IQCM: variants seen among roughly 807,000 people sequenced by gnomAD.
IQCM encodes the protein IQ motif containing M, also known as IQ domain-containing protein M.
IQCM carries 45 observed loss-of-function variants against 57.6 expected under a neutral mutation model. That is an observed-to-expected ratio of 0.78 (90% CI 0.62 to 1.00). IQCM has a LOEUF of 1.00. Among genes scored for constraint, IQCM ranks in the 50% least tolerant of loss-of-function variants. IQCM has a pLI of 0.00. For missense variants in IQCM, 468 were observed against 511.6 expected (o/e 0.91, Z 0.82); for synonymous variants, 148 against 158.9 (o/e 0.93, Z 0.51).
intron 5 of IQCM, among the ~76,000 whole-genome samples, chr4:149,695,889 A>C (rs1763299909): frequency 1.3e-5 from 2 of 152,152 alleles, no homozygotes; most frequent in Admixed American, 6.6e-5. Context: ...TACTGAGGGA[A>C]GCGGGCTGAG....
rs1470332043 is a variant in IQCM at position 149,545,885 on chromosome 4, T to C, written c.1228+2570A>G. ...GCACAACGTGAAGGTTTGTCACATA[T>C]GTATACATACGCCATGTTGGTGTGC... On this transcript the variant is annotated intron_variant, in intron 12 of 13. Coordinates refer to ENST00000636793, the MANE Select transcript of IQCM (RefSeq NM_001363507.2). 3.3e-5 allele frequency among the ~76,000 whole-genome samples: 5 copies of C among 152,116 alleles called. No individual in the cohort carries two copies. In the East Asian group the frequency reaches 9.6e-4, roughly 29 times the overall value.
intron 12 of IQCM, among the ~76,000 whole-genome samples, chr4:149,536,564 C>T (rs1036688644): frequency 6.6e-6 from 1 of 151,940 alleles, no homozygotes; most frequent in Non-Finnish European, 1.5e-5. Flanking sequence ...GCACTTGATA[C>T]ATGTGTGAAT....
chr4:149,643,492 G>T (rs1435741937), intron 7 of IQCM, among the ~76,000 whole-genome samples: 5 of 152,280 alleles, frequency 3.3e-5, no homozygotes, highest in Admixed American at 2.6e-4. Context: ...GGACATTAAA[G>T]GTTGGTGAGT....
At chr4:149,407,470 CT>C (rs1733067593) in intron 13 of IQCM, among the ~76,000 whole-genome samples, 1 of 152,128 alleles carries the variant, frequency 6.6e-6, no homozygotes, top group Admixed American at 6.6e-5. Context: ...ATCCCTCCCC[CT>C]GGTGCCCCAC....
intron 9 of IQCM, among the ~76,000 whole-genome samples, chr4:149,571,208 A>T (rs1429287173): frequency 6.6e-6 from 1 of 152,154 alleles, no homozygotes; most frequent in Non-Finnish European, 1.5e-5. Flanking sequence ...TCACTGCACC[A>T]TTATTCACAA....
intron 2 of IQCM, among the ~76,000 whole-genome samples, chr4:149,784,704 G>A (rs565965675): frequency 5.3e-5 from 8 of 152,212 alleles, no homozygotes; most frequent in Admixed American, 1.3e-4. Flanking sequence ...GTGAGCCACC[G>A]CGCCCGGCCT....
chr4:149,423,499 T>C (rs1256779742), intron 13 of IQCM, among the ~76,000 whole-genome samples: 1 of 152,026 alleles, frequency 6.6e-6, no homozygotes, highest in Non-Finnish European at 1.5e-5. Context: ...ACTCTTTCTG[T>C]GAGCTTTGAA....
At chr4:149,774,096 C>A (rs911005394) in intron 2 of IQCM, among the ~76,000 whole-genome samples, 6 of 152,082 alleles carry the variant, frequency 3.9e-5, no homozygotes, top group Admixed American at 1.3e-4. Context: ...AGAAAATCGT[C>A]TGTTAAAATC....
At chr4:149,643,502 T>C (rs1758382483) in intron 7 of IQCM, among the ~76,000 whole-genome samples, 1 of 152,098 alleles carries the variant, frequency 6.6e-6, no homozygotes, top group Admixed American at 6.6e-5. Flanking sequence ...GGTTGGTGAG[T>C]AGGTCCACCA....
chr4:149,548,538 T>C lies in IQCM; in HGVS notation c.1145A>G (p.Asn382Ser), dbSNP rs531339060. 6 of 1,231,470 alleles carry C rather than the reference T, an allele frequency of 4.9e-6. No homozygotes were observed. In the South Asian group the frequency reaches 2.5e-4, roughly 51 times the overall value. 76.3% of individuals were successfully genotyped at this position (1,231,470 alleles called of 1,614,324 possible). A position where few individuals can be genotyped will look rare whatever the true frequency, so the allele number is the denominator to read the frequency against. ...GTCACTGAAGAAATTGGGGAGCTCA[T>C]TTCTTTCAATTTTTGGCCAATCTTC... Reference protein sequence around the residue: ...KREDWPKIERNELPNFFSDCG... With the variant: ...KREDWPKIERSELPNFFSDCG... Residue 382 changes from asparagine (N) to serine (S), a missense_variant, in exon 12 of 14, where the codon AAT (asparagine) becomes AGT (serine). Coordinates refer to ENST00000636793, the MANE Select transcript of IQCM (RefSeq NM_001363507.2).
intron 5 of IQCM, among the ~76,000 whole-genome samples, chr4:149,709,211 A>G (rs1764378391): frequency 1.3e-5 from 2 of 152,132 alleles, no homozygotes; most frequent in Admixed American, 1.3e-4. Context: ...ACATAAAACT[A>G]GAACATTAGC....
chr4:149,365,500 C>G (rs1339197260), intron 13 of IQCM, among the ~76,000 whole-genome samples: 3 of 152,132 alleles, frequency 2.0e-5, no homozygotes, highest in Non-Finnish European at 2.9e-5. Flanking sequence ...CCCCTACCCC[C>G]ATCCTTTGAG....
At chr4:149,513,092 G>A (rs144954706) in intron 12 of IQCM, among the ~76,000 whole-genome samples, 236 of 152,222 alleles carry the variant, frequency 1.6e-3, no homozygotes, top group Non-Finnish European at 2.9e-3. Flanking sequence ...AGTTAGCAGA[G>A]AAAGAAAATC....
At chr4:149,364,425 C>T (rs767805780) in intron 13 of IQCM, among the ~76,000 whole-genome samples, 22 of 151,942 alleles carry the variant, frequency 1.4e-4, no homozygotes, top group Non-Finnish European at 1.5e-4. Flanking sequence ...GCTGGCTGAC[C>T]GGAAAAGATC....
intron 5 of IQCM, among the ~76,000 whole-genome samples, chr4:149,700,118 A>G (rs1291010851): frequency 6.6e-6 from 1 of 152,062 alleles, no homozygotes; most frequent in Non-Finnish European, 1.5e-5. Context: ...GAGCAATCAC[A>G]ATCTGTCTCT....
At chr4:149,426,715 G>A (rs1034692384) in intron 13 of IQCM, among the ~76,000 whole-genome samples, 1 of 151,984 alleles carries the variant, frequency 6.6e-6, no homozygotes, top group East Asian at 1.9e-4. Flanking sequence ...AGCTGCTGGA[G>A]TGTCCTCATG....
rs199541659 is a variant in IQCM, at chr4:149,368,771, CAT to C, written c.1391-16707_1391-16706del. On this transcript the variant is annotated intron_variant, in intron 13 of 13. Transcript: ENST00000636793. ...ATATATACATGTATATATATATATA[CAT>C]ATATATACATGTATATATATACATA... Among the ~76,000 whole-genome samples the C allele has an allele frequency of 2.8e-3, 202 of 73,302 alleles. 13 individuals are homozygous for C. Among genetic ancestry groups the C allele is most frequent in the Non-Finnish European group, 4.5e-3 (139 of 30,650 alleles). 48.1% of individuals were successfully genotyped at this position (73,302 alleles called of 152,430 possible). A position where few individuals can be genotyped will look rare whatever the true frequency, so the allele number is the denominator to read the frequency against.
chr4:149,735,239 A>T (rs1244471858), intron 4 of IQCM, 137 bp downstream of exon 4: 2 of 415,186 alleles, frequency 4.8e-6, no homozygotes, highest in African/African-American at 4.1e-5. Flanking sequence ...GCTAGTGAGC[A>T]TTTCATTTTT....
chr4:149,412,805 G>A (rs1733481043), intron 13 of IQCM, among the ~76,000 whole-genome samples: 1 of 152,158 alleles, frequency 6.6e-6, no homozygotes, highest in South Asian at 2.1e-4. Flanking sequence ...TTTAGTTAAT[G>A]TATGTGAAGG....
Sources: gnomAD v4.1 joint callset for allele counts (sites outside exome capture counted in the v4.1 genomes callset) on GRCh38, gnomAD v4.1.1 for gene constraint, MANE v1.5 for transcripts, NCBI Gene and HGNC (gene_info 2026-07-23, HGNC 2026-07-21) for gene names.